Variants in GFM1 observed in about 807,000 individuals in gnomAD.
GFM1 encodes G elongation factor mitochondrial 1.
Under a neutral mutation model 96.2 loss-of-function variants are expected in GFM1, and 62 were observed. That is an observed-to-expected ratio of 0.64 (90% CI 0.53 to 0.80). The LOEUF is 0.80. GFM1 is among the 30% of genes least tolerant of loss of function. GFM1 has a pLI of 0.00. For synonymous variants in GFM1, 282 were observed against 312.9 expected, an observed-to-expected ratio of 0.90 and a Z score of 1.04; for missense variants, 852 against 916.6, an observed-to-expected ratio of 0.93 and a Z score of 0.91.
Position 158,659,017 on chromosome 3 carries a change from A to T in GFM1, c.1179A>T (p.Val393=), listed in dbSNP as rs1429040396. ...ATAACACAAGGACAAGAAAGAAAGT[A>T]CGGTTGCAACGGCTGGCTCGCATGC... The part of the protein sequence containing the change: ...TIYNTRTRKK[V]RLQRLARMHA... Residue 393 remains valine (V), a synonymous_variant, in exon 9 of 18, where the codon GTA becomes GTT. Coordinates refer to ENST00000486715, the MANE Select transcript of GFM1 (RefSeq NM_024996.7). 1.2e-6 allele frequency: 2 copies of T among 1,614,234 alleles called. No homozygotes were observed. Among genetic ancestry groups the T allele is most frequent in the Non-Finnish European group, 1.7e-6 (2 of 1,180,030 alleles).
chr3:158,658,738 T>TC (rs964009289), intron 8 of GFM1, among the ~76,000 whole-genome samples, 184 bp from the exon 9 acceptor site: 2 of 152,224 alleles, frequency 1.3e-5, no homozygotes, highest in African/African-American at 4.8e-5. Context: ...GATTGATGAA[T>TC]AACAGCCATT....
intron 1 of GFM1, among the ~76,000 whole-genome samples, 170 bp from the exon 2 acceptor site, chr3:158,645,459 C>T (rs1721695020): frequency 1.3e-5 from 2 of 152,106 alleles, no homozygotes; most frequent in Non-Finnish European, 2.9e-5. Context: ...TGAAGTCTGT[C>T]CTCTGATTAC....
chr3:158,662,123 T>A (rs1723246199), intron 10 of GFM1, among the ~76,000 whole-genome samples: 1 of 152,168 alleles, frequency 6.6e-6, no homozygotes, highest in Admixed American at 6.5e-5. Flanking sequence ...CAATTTGTTT[T>A]ACCTTATTTC....
chr3:158,669,146 C>T, intron 13 of GFM1: 1 of 1,606,568 alleles, frequency 6.2e-7, no homozygotes, highest in Non-Finnish European at 8.5e-7. Context: ...GTAGGAGACA[C>T]ATTTATATGA....
chr3:158,658,826 A>G (rs1430040234), intron 8 of GFM1, 96 bp from the exon 9 acceptor site: 16 of 1,300,808 alleles, frequency 1.2e-5, no homozygotes, highest in Non-Finnish European at 1.7e-5. Flanking sequence ...TAAAATTGGT[A>G]GAGAATACTT....
At position 158,645,781 on chromosome 3, in the gene GFM1, G is replaced by A; in HGVS notation, c.234G>A (p.Glu78=). The change falls in exon 2 of 18, where the codon GAG becomes GAA. Residue 78 remains glutamate, a splice_region_variant and synonymous_variant. Transcript: ENST00000486715. ...CTGGCAGAATTGCAAAGATGCATGA[G>A]GTATATATTCACGGTTGATTCCGGA... is the stretch of plus-strand genomic sequence containing the variant. ...YYTGRIAKMH[E]VKGKDGVGAV... The A allele has an allele frequency of 6.2e-7, 1 of 1,609,110 alleles. No homozygotes were observed. Among genetic ancestry groups the A allele is most frequent in the Non-Finnish European group, 8.5e-7 (1 of 1,175,578 alleles).
In GFM1 at chr3:158,660,857, GTTAT is replaced by G. The variant is rs1560133754; in HGVS notation, c.1222-14_1222-11del. The G allele has an allele frequency of 6.3e-7, 1 of 1,598,910 alleles. No individual in the cohort carries two copies. The highest frequency in any genetic ancestry group is 1.1e-5 in the South Asian group (1 of 90,770). On this transcript the variant is annotated splice_polypyrimidine_tract_variant and intron_variant, in intron 9 of 17. Coordinates refer to ENST00000486715, the MANE Select transcript of GFM1 (RefSeq NM_024996.7). ...GTATTACTTGCAAATATAATTTTGT[GTTAT>G]TTGTTTTTTTAGGATGTTGAGGAAG...
chr3:158,654,550 C>G lies in GFM1; in HGVS notation c.1002C>G (p.Asp334Glu). The change falls in exon 8 of 18, where the codon GAC (aspartate) becomes GAG (glutamate). Residue 334 changes from aspartate to glutamate, a missense_variant. Asp to Glu is a conservative substitution (Grantham distance 45). Transcript: ENST00000486715. ...TTTATATTTCTTTTATTTTAAGTGACTCAAAAGAGAAAACCAAAATCCTAA... is the reference window on the plus strand; with the variant it reads ...TTTATATTTCTTTTATTTTAAGTGAGTCAAAAGAGAAAACCAAAATCCTAA... ...QNYAILNKED[D>E]SKEKTKILMN... 1 of 1,570,930 alleles carries G rather than the reference C, an allele frequency of 6.4e-7. No homozygotes were observed. The highest frequency in any genetic ancestry group is 8.8e-7 in the Non-Finnish European group (1 of 1,140,940).
chr3:158,645,933 A>T (rs1281240737), intron 2 of GFM1, 152 bp downstream of exon 2: 4 of 863,266 alleles, frequency 4.6e-6, no homozygotes, highest in Non-Finnish European at 7.5e-6. Context: ...GCTTAAGTTA[A>T]GTATCTGTGT....
Position 158,692,966 on chromosome 3 carries a change from T to G in GFM1, c.*1499T>G, listed in dbSNP as rs1043164587. On this transcript the variant is annotated 3_prime_UTR_variant, in exon 18 of 18. Transcript: ENST00000486715. Reference sequence around the variant, plus strand: ...CCCCAGCCTCCCAAAGTGCTGGGATTATGGGCATGAACCACCATGCCTGGC... The same window carrying G: ...CCCCAGCCTCCCAAAGTGCTGGGATGATGGGCATGAACCACCATGCCTGGC... 1.3e-5 allele frequency among the ~76,000 whole-genome samples: 2 copies of G among 152,170 alleles called. No individual in the cohort carries two copies. The highest frequency in any genetic ancestry group is 4.8e-5 in the African/African-American group (2 of 41,442).
chr3:158,656,179 A>C, intron 8 of GFM1: 1 of 222,872 alleles, frequency 4.5e-6, no homozygotes, highest in Non-Finnish European at 8.9e-6. Flanking sequence ...TTGAGATGAG[A>C]TTTCGCTCTT....
intron 15 of GFM1, among the ~76,000 whole-genome samples, chr3:158,686,194 T>G (rs1159750600): frequency 6.7e-6 from 1 of 148,260 alleles, no homozygotes; most frequent in Non-Finnish European, 1.5e-5. Context: ...TATAGATGTA[T>G]TTGTATAAAA....
At chr3:158,689,562 AAAG>A (rs1195976482) in intron 15 of GFM1, among the ~76,000 whole-genome samples, 3 of 152,046 alleles carry the variant, frequency 2.0e-5, no homozygotes, top group Non-Finnish European at 4.4e-5. Context: ...GGACCACAAG[AAAG>A]AATGGGTTTA....
chr3:158,654,221 T>TC (rs1560131012), intron 7 of GFM1, among the ~76,000 whole-genome samples: 2 of 141,396 alleles, frequency 1.4e-5, no homozygotes, highest in Non-Finnish European at 1.5e-5. Context: ...TTTTTTTTTT[T>TC]TTTTTTTTGT....
At chr3:158,662,138 C>A (rs1723246631) in intron 10 of GFM1, among the ~76,000 whole-genome samples, 2 of 152,100 alleles carry the variant, frequency 1.3e-5, no homozygotes, top group Admixed American at 6.5e-5. Flanking sequence ...TATTTCCAAG[C>A]CTTTAGTGAC....
Position 158,687,941 on chromosome 3 carries a change from A to G in GFM1, c.1910-2222A>G, listed in dbSNP as rs111363996. 7.3e-3 allele frequency among the ~76,000 whole-genome samples: 1,106 copies of G among 152,250 alleles called. 16 individuals are homozygous for G. Among genetic ancestry groups the G allele is most frequent in the African/African-American group, 0.026 (1,071 of 41,546 alleles). ...GCAAGAAAATCAACTTTTTTTTTAC[A>G]TACACCTCTGTTGAATGCCACATTA... is the stretch of plus-strand genomic sequence containing the variant. On this transcript the variant is annotated intron_variant, in intron 15 of 17. Coordinates refer to ENST00000486715, the MANE Select transcript of GFM1 (RefSeq NM_024996.7).
chr3:158,652,072 G>A (rs778088445), intron 5 of GFM1, 24 bp from the exon 6 acceptor site: 2 of 1,609,732 alleles, frequency 1.2e-6, no homozygotes, highest in African/African-American at 1.3e-5. Flanking sequence ...TATCCTTAAA[G>A]CACCAAAATA....
intron 15 of GFM1, chr3:158,685,000 G>C: frequency 6.0e-6 from 1 of 167,582 alleles, no homozygotes; most frequent in Non-Finnish European, 1.1e-5. Context: ...CTTAACTACA[G>C]TCTTATTTCT....
At chr3:158,679,144 T>C (rs1449680528) in intron 13 of GFM1, among the ~76,000 whole-genome samples, 1 of 152,264 alleles carries the variant, frequency 6.6e-6, no homozygotes, top group Non-Finnish European at 1.5e-5. Flanking sequence ...CTGATGCTGA[T>C]GTTTCAGCTG....
Sources: gnomAD v4.1 joint callset for allele counts (sites outside exome capture counted in the v4.1 genomes callset) on GRCh38, gnomAD v4.1.1 for gene constraint, MANE v1.5 for transcripts, NCBI Gene and HGNC (gene_info 2026-07-23, HGNC 2026-07-21) for gene names.